Variants in KDM1B observed in about 807,000 individuals in gnomAD.
The protein encoded by KDM1B is lysine demethylase 1B, also known as lysine-specific histone demethylase 2.
KDM1B carries 63 observed loss-of-function variants against 107.4 expected under a neutral mutation model. The observed-to-expected ratio is 0.59, with a 90% CI of 0.48 to 0.72. The LOEUF (loss-of-function observed/expected upper bound fraction) is 0.72. KDM1B is among the 30% of genes least tolerant of loss of function. The probability of loss-of-function intolerance (pLI) is 0.00; values close to 1 mark genes in which losing one functional copy is unlikely to be tolerated. For synonymous variants in KDM1B, 363 were observed against 363.9 expected (o/e 1.00, Z 0.03); for missense variants, 749 against 1,020.8 (o/e 0.73, Z 3.63).
In KDM1B at chr6:18,212,555, A is replaced by G; in HGVS notation, c.1934A>G (p.Glu645Gly). The stretch of plus-strand genomic sequence containing the variant: ...ATTCAGTTTAATCCACCGTTGTCAG[A>G]GAAGAAGATGAAGGCTATCAACAGC... ...GAIQFNPPLS[E>G]KKMKAINSLG... Residue 645 changes from glutamate (E) to glycine (G), a missense_variant, in exon 18 of 22, where the codon GAG becomes GGG. Transcript: ENST00000650836. This position sits in a 1 kb window ranked among gnomAD's most constrained non-coding sequence, Gnocchi z 5.2. 3 of 1,614,202 alleles carry G rather than the reference A, an allele frequency of 1.9e-6. No individual in the cohort carries two copies. The highest frequency in any genetic ancestry group is 2.5e-6 in the Non-Finnish European group (3 of 1,180,000).
At chr6:18,187,535 G>A (rs960973514) in intron 8 of KDM1B, among the ~76,000 whole-genome samples, 1 of 152,114 alleles carries the variant, frequency 6.6e-6, no homozygotes, top group African/African-American at 2.4e-5. Flanking sequence ...TTATTTTGGG[G>A]GAGGGATAAG....
Position 18,201,630 on chromosome 6 carries a change from A to G in KDM1B, c.1504A>G (p.Thr502Ala). The G allele has an allele frequency of 6.4e-7, 1 of 1,550,638 alleles. No individual in the cohort carries two copies. The highest frequency in any genetic ancestry group is 8.7e-7 in the Non-Finnish European group (1 of 1,146,946). Residue 502 changes from threonine (T) to alanine (A), a missense_variant, in exon 14 of 22, where the codon ACT becomes GCT. Physicochemically the swap from Thr to Ala is moderately conservative, Grantham distance 58. Coordinates refer to ENST00000650836, the MANE Select transcript of KDM1B (RefSeq NM_001364614.2). The surrounding 1 kb of genome is among the most constrained non-coding windows in gnomAD (Gnocchi z 4.3). ...DVVSEWRKDKTQLQDVPLGEK... is the reference protein window; with the variant it reads ...DVVSEWRKDKAQLQDVPLGEK... ...TGTCTCTGAGTGGAGAAAGGATAAG[A>G]CTCAGCTCCAAGATGTCCCTTTAGG...
At chr6:18,160,694 C>T (rs2328210) in intron 3 of KDM1B, among the ~76,000 whole-genome samples, 2,515 of 150,896 alleles carry the variant, frequency 0.017, 39 homozygotes, top group Non-Finnish European at 0.025. Context: ...GCAGAGATGG[C>T]GCCACTGCAT....
chr6:18,160,788 T>G (rs4580874), intron 3 of KDM1B, among the ~76,000 whole-genome samples: 80,209 of 141,800 alleles, frequency 0.57, 22,970 homozygotes, highest in African/African-American at 0.64. Flanking sequence ...AAAACAAATC[T>G]CAATTTGGGG....
At chr6:18,202,675 G>C (rs903371125) in intron 14 of KDM1B, among the ~76,000 whole-genome samples, 4 of 152,182 alleles carry the variant, frequency 2.6e-5, no homozygotes, top group Admixed American at 6.5e-5. Flanking sequence ...TGCTTCAACT[G>C]TATGTTTCTT....
intron 5 of KDM1B, among the ~76,000 whole-genome samples, chr6:18,163,323 G>T (rs1223189856): frequency 1.3e-5 from 2 of 152,156 alleles, no homozygotes; most frequent in Non-Finnish European, 2.9e-5. Flanking sequence ...GCCTCCCAAA[G>T]TGCTGGGATT....
chr6:18,173,702 T>G (rs1785808920), intron 7 of KDM1B, among the ~76,000 whole-genome samples: 1 of 152,206 alleles, frequency 6.6e-6, no homozygotes, highest in South Asian at 2.1e-4. Flanking sequence ...TTCAATTTTT[T>G]CCATACAGAT....
rs976947948 is a variant in KDM1B at position 18,201,554 on chromosome 6, C to A, written c.1428C>A (p.Asp476Glu). The A allele has an allele frequency of 1.9e-6, 3 of 1,549,874 alleles. No homozygotes were observed. In the African/African-American group the frequency reaches 4.1e-5, roughly 21 times the overall value. ...DLIQEGGRIT[D>E]PTIDKRMDFH... ...TTCAGGAAGGTGGAAGAATAACTGA[C>A]CCCACTATTGACAAGCGCATGGATT... The change falls in exon 14 of 22, where the codon GAC (aspartate) becomes GAA (glutamate). Residue 476 changes from aspartate to glutamate, a missense_variant. Physicochemically the swap from Asp to Glu is conservative, Grantham distance 45 (BLOSUM62 2). Coordinates refer to ENST00000650836, the MANE Select transcript of KDM1B (RefSeq NM_001364614.2). The surrounding 1 kb of genome is among the most constrained non-coding windows in gnomAD (Gnocchi z 4.3).
intron 7 of KDM1B, among the ~76,000 whole-genome samples, chr6:18,175,001 C>T (rs750321815): frequency 5.9e-5 from 9 of 152,064 alleles, no homozygotes; most frequent in Non-Finnish European, 1.2e-4. Context: ...CTCTGGATAC[C>T]CAGTAGTGGA....
intron 17 of KDM1B, among the ~76,000 whole-genome samples, chr6:18,208,746 G>A (rs1363872779): frequency 3.7e-5 from 5 of 135,696 alleles, no homozygotes; most frequent in Admixed American, 7.9e-5. Context: ...CCGGGTTCAC[G>A]CCATTCTCCT....
At position 18,223,783 on chromosome 6, in the gene KDM1B, TA is replaced by T. The variant is rs1370885616; in HGVS notation, c.*1792del. The T allele has an allele frequency of 6.6e-6, 1 of 152,200 alleles. No individual in the cohort carries two copies. The highest frequency in any genetic ancestry group is 1.5e-5 in the Non-Finnish European group (1 of 68,020). 9.4% of individuals were successfully genotyped at this position (152,200 alleles called of 1,614,324 possible). A position where few individuals can be genotyped will look rare whatever the true frequency, so the allele number is the denominator to read the frequency against. ...TTGAGTAGCAGTAAATATACAGATT[TA>T]CAATGTTTTAACTACAGTTCATGAA... On this transcript the variant is annotated 3_prime_UTR_variant, in exon 22 of 22. Coordinates refer to ENST00000650836, the MANE Select transcript of KDM1B (RefSeq NM_001364614.2).
rs78195276 is a variant in KDM1B, at chr6:18,201,961, A to C, written c.1531+304A>C. On this transcript the variant is annotated intron_variant, in intron 14 of 21. Transcript: ENST00000650836. This position sits in a 1 kb window ranked among gnomAD's most constrained non-coding sequence, Gnocchi z 4.3. ...CCCAGAGTAGCTTACTTTTATGGGA[A>C]CATGTGGTAAGCCCTGTGTGATAAA... Among the ~76,000 whole-genome samples the C allele has an allele frequency of 0.019, 2,948 of 152,256 alleles. 96 individuals are homozygous for C. Among genetic ancestry groups the C allele is most frequent in the African/African-American group, 0.068 (2,819 of 41,508 alleles).
At chr6:18,170,296 C>A (rs982499231) in intron 6 of KDM1B, among the ~76,000 whole-genome samples, 2 of 152,076 alleles carry the variant, frequency 1.3e-5, no homozygotes, top group African/African-American at 4.8e-5. Flanking sequence ...ATCTTACATA[C>A]CATGATTATT....
rs1268000191 is a variant in KDM1B at position 18,214,056 on chromosome 6, A to AG, written c.2109+277dup. On this transcript the variant is annotated intron_variant, in intron 19 of 21. Transcript: ENST00000650836. The surrounding 1 kb of genome is among the most constrained non-coding windows in gnomAD (Gnocchi z 4.4). ...TTCAGGCTATGGGGGAATTCCTCTT[A>AG]GGTGAAGTTGGAGACATCAGAGTCA... 2.0e-5 allele frequency among the ~76,000 whole-genome samples: 3 copies of AG among 152,162 alleles called. No individual in the cohort carries two copies. Among genetic ancestry groups the AG allele is most frequent in the Non-Finnish European group, 4.4e-5 (3 of 68,024 alleles).
rs189806690 is a variant in KDM1B, at chr6:18,200,904, T to G, written c.1359+328T>G. Among the ~76,000 whole-genome samples, 604 of 152,346 alleles carry G rather than the reference T, an allele frequency of 4.0e-3. 2 individuals are homozygous for G. The highest frequency in any genetic ancestry group is 7.1e-3 in the Non-Finnish European group (484 of 68,030). ...ATTTCATTTTCAGATAAACAAGTAATTTTTTACCCAAGTATTTCCCAGTAT... is the reference window on the plus strand; with the variant it reads ...ATTTCATTTTCAGATAAACAAGTAAGTTTTTACCCAAGTATTTCCCAGTAT... On this transcript the variant is annotated intron_variant, in intron 13 of 21. Transcript: ENST00000650836. This position sits in a 1 kb window ranked among gnomAD's most constrained non-coding sequence, Gnocchi z 4.3.
chr6:18,220,942 G>C (rs908531985), intron 21 of KDM1B, among the ~76,000 whole-genome samples: 1 of 151,788 alleles, frequency 6.6e-6, no homozygotes, highest in Non-Finnish European at 1.5e-5. Flanking sequence ...GTAGAGATGG[G>C]GTTTCATCAT....
In KDM1B at chr6:18,212,895, T is replaced by G. The variant is rs1376735869; in HGVS notation, c.1983+291T>G. On this transcript the variant is annotated intron_variant, in intron 18 of 21. Coordinates refer to ENST00000650836, the MANE Select transcript of KDM1B (RefSeq NM_001364614.2). The surrounding 1 kb of genome is among the most constrained non-coding windows in gnomAD (Gnocchi z 5.2). ...TCCCCTTTTTTCCCCCCTTCTGCTTTCTTTCTTGTCTGCTTTCCACTCATT... is the reference window on the plus strand; with the variant it reads ...TCCCCTTTTTTCCCCCCTTCTGCTTGCTTTCTTGTCTGCTTTCCACTCATT... Among the ~76,000 whole-genome samples the G allele has an allele frequency of 1.3e-5, 2 of 152,200 alleles. No individual in the cohort carries two copies. Among genetic ancestry groups the G allele is most frequent in the African/African-American group, 2.4e-5 (1 of 41,464 alleles).
In KDM1B at chr6:18,159,683, G is replaced by T. The variant is rs761599139; in HGVS notation, c.-13-200G>T. On this transcript the variant is annotated intron_variant, in intron 2 of 21. Coordinates refer to ENST00000650836, the MANE Select transcript of KDM1B (RefSeq NM_001364614.2). The surrounding 1 kb of genome is among the most constrained non-coding windows in gnomAD (Gnocchi z 4.5). ...CCAACTACTTGGAGCTGAGGTGGGA[G>T]AATCGCTTGAGCCCAGGAGTTCCAG... Among the ~76,000 whole-genome samples, 2 of 152,194 alleles carry T rather than the reference G, an allele frequency of 1.3e-5. No homozygotes were observed. Among genetic ancestry groups the T allele is most frequent in the Non-Finnish European group, 2.9e-5 (2 of 68,038 alleles).
rs999861720 is a variant in KDM1B at position 18,201,269 on chromosome 6, C to G, written c.1360-217C>G. 2.6e-5 allele frequency among the ~76,000 whole-genome samples: 4 copies of G among 152,232 alleles called. No individual in the cohort carries two copies. In the East Asian group the frequency reaches 7.7e-4, roughly 29 times the overall value. On this transcript the variant is annotated intron_variant, in intron 13 of 21. Transcript: ENST00000650836. The surrounding 1 kb of genome is among the most constrained non-coding windows in gnomAD (Gnocchi z 4.3). ...GCATGGCGTAGGAGCTGTTGCTGCC[C>G]CTCTCACATTCTCATCAAATAAAAT... is the stretch of plus-strand genomic sequence containing the variant.
Sources: gnomAD v4.1 joint callset for allele counts (sites outside exome capture counted in the v4.1 genomes callset) on GRCh38, gnomAD v4.1.1 for gene constraint, Gnocchi (gnomAD v3.1) non-coding constraint, MANE v1.5 for transcripts, NCBI Gene and HGNC (gene_info 2026-07-23, HGNC 2026-07-21) for gene names.